PPP1R12B: variants seen among roughly 807,000 people sequenced by gnomAD.
PPP1R12B encodes the protein myosin phosphatase target subunit 2.
In PPP1R12B, 76 loss-of-function variants were observed where a neutral mutation model predicts 126.1. The observed-to-expected ratio is 0.60, with a 90% CI of 0.50 to 0.73. The LOEUF (loss-of-function observed/expected upper bound fraction) is 0.73. PPP1R12B is among the 30% of genes least tolerant of loss of function. The pLI, the probability that PPP1R12B is intolerant of heterozygous loss-of-function variation, is 0.00. For missense variants in PPP1R12B, 1,052 were observed against 1,205.1 expected, an observed-to-expected ratio of 0.87 and a Z score of 1.88; for synonymous variants, 356 against 434.7, an observed-to-expected ratio of 0.82 and a Z score of 2.25.
intron 1 of PPP1R12B, among the ~76,000 whole-genome samples, chr1:202,414,202 A>G (rs1344145194): frequency 2.6e-5 from 4 of 152,358 alleles, no homozygotes; most frequent in African/African-American, 4.8e-5. Flanking sequence ...GATTACAGGC[A>G]TGAGCCACCA....
chr1:202,364,319 G>GT (rs1658745782), intron 1 of PPP1R12B, among the ~76,000 whole-genome samples: 1 of 152,086 alleles, frequency 6.6e-6, no homozygotes, highest in African/African-American at 2.4e-5. Flanking sequence ...AAACTTCAAA[G>GT]TAATAGAAAC....
chr1:202,586,654 A>C lies in PPP1R12B; in HGVS notation c.*6094A>C, dbSNP rs746701023. The C allele has an allele frequency of 6.6e-6, 1 of 152,216 alleles. No individual in the cohort carries two copies. The highest frequency in any genetic ancestry group is 1.5e-5 in the Non-Finnish European group (1 of 68,046). 9.4% of individuals were successfully genotyped at this position (152,216 alleles called of 1,614,324 possible). A position where few individuals can be genotyped will look rare whatever the true frequency, so the allele number is the denominator to read the frequency against. ...TTCTGAGGGCTGAGAAAAAACACAG[A>C]ATCTTGGCCAGCAGCCAGCAGCTGC... is the stretch of plus-strand genomic sequence containing the variant. On this transcript the variant is annotated 3_prime_UTR_variant, in exon 24 of 24. Coordinates refer to ENST00000608999, the MANE Select transcript of PPP1R12B (RefSeq NM_002481.4).
Position 202,498,371 on chromosome 1 carries a change from G to A in PPP1R12B, c.2490+1549G>A, listed in dbSNP as rs530590059. On this transcript the variant is annotated intron_variant, in intron 18 of 23. Transcript: ENST00000608999. Reference sequence around the variant, plus strand: ...AAAAAGAATAAACAGCCCATTATCTGTGGACTGGTACATTTGAATTTATGC... The same window carrying A: ...AAAAAGAATAAACAGCCCATTATCTATGGACTGGTACATTTGAATTTATGC... Among the ~76,000 whole-genome samples, 4 of 152,314 alleles carry A rather than the reference G, an allele frequency of 2.6e-5. No homozygotes were observed. In the South Asian group the frequency reaches 8.3e-4, roughly 32 times the overall value.
chr1:202,516,382 A>G (rs1419572156), intron 18 of PPP1R12B, among the ~76,000 whole-genome samples: 4 of 152,196 alleles, frequency 2.6e-5, no homozygotes, highest in Admixed American at 2.0e-4. Context: ...ATAGCTACCA[A>G]TAGTCCTCTG....
chr1:202,521,374 C>A (rs1405231701), intron 18 of PPP1R12B, among the ~76,000 whole-genome samples: 3 of 151,900 alleles, frequency 2.0e-5, no homozygotes, highest in South Asian at 2.1e-4. Context: ...TCAAGAGAAC[C>A]CAACAAATGA....
In PPP1R12B at chr1:202,431,659, A is replaced by G. The variant is rs775857142; in HGVS notation, c.1141+40A>G. On this transcript the variant is annotated intron_variant, in intron 8 of 23. Transcript: ENST00000608999. ...TTCATAGTGAAGATCCTCTATCTCC[A>G]TAGTGTAAGAAGATTACTCCTTGTC... is the stretch of plus-strand genomic sequence containing the variant. The G allele has an allele frequency of 7.0e-6, 11 of 1,565,370 alleles. No homozygotes were observed. The Middle Eastern group carries it at 5.2e-4, about 74-fold the overall frequency.
In PPP1R12B at chr1:202,448,971, T is replaced by C; in HGVS notation, c.1668-18T>C. 1 of 1,612,248 alleles carries C rather than the reference T, an allele frequency of 6.2e-7. No individual in the cohort carries two copies. The highest frequency in any genetic ancestry group is 8.5e-7 in the Non-Finnish European group (1 of 1,178,422). Reference sequence around the variant, plus strand: ...TGCCTAACCATTTCCTTTCTGCTTGTATCTTTTTAAATTTCAGGACTCCTC... The same window carrying C: ...TGCCTAACCATTTCCTTTCTGCTTGCATCTTTTTAAATTTCAGGACTCCTC... On this transcript the variant is annotated intron_variant, in intron 12 of 23. Coordinates refer to ENST00000608999, the MANE Select transcript of PPP1R12B (RefSeq NM_002481.4).
At chr1:202,367,961 G>GT (rs986534882) in intron 1 of PPP1R12B, among the ~76,000 whole-genome samples, 170 of 147,526 alleles carry the variant, frequency 1.2e-3, no homozygotes, top group Middle Eastern at 3.4e-3. Context: ...CAGGAGATCT[G>GT]TTTTTTTTTT....
At chr1:202,445,372 T>G (rs1672101386) in intron 12 of PPP1R12B, 2 of 708,312 alleles carry the variant, frequency 2.8e-6, no homozygotes, top group Non-Finnish European at 3.9e-6. Flanking sequence ...ATGAAGATGC[T>G]TTTGCTTTGA....
chr1:202,463,782 T>C (rs1674623626), intron 13 of PPP1R12B, among the ~76,000 whole-genome samples: 1 of 152,174 alleles, frequency 6.6e-6, no homozygotes, highest in East Asian at 1.9e-4. Context: ...AATCAGGCAA[T>C]ATAGAAAATC....
At chr1:202,471,772 T>A (rs1393039043) in intron 13 of PPP1R12B, 9 of 968,910 alleles carry the variant, frequency 9.3e-6, no homozygotes, top group Middle Eastern at 3.2e-4. Flanking sequence ...TTAGGTTGGT[T>A]CTTTTTTAAA....
At chr1:202,460,748 G>C (rs1674212361) in intron 13 of PPP1R12B, among the ~76,000 whole-genome samples, 2 of 152,132 alleles carry the variant, frequency 1.3e-5, no homozygotes, top group African/African-American at 4.8e-5. Context: ...AATTCTGGAG[G>C]TCTCTGGATT....
At chr1:202,430,883 T>G (rs1670104825) in intron 7 of PPP1R12B, 73 bp downstream of exon 7, 1 of 1,537,440 alleles carries the variant, frequency 6.5e-7, no homozygotes, top group Admixed American at 2.0e-5. Flanking sequence ...TCAGAATTTA[T>G]AAAGTGAAGA....
In PPP1R12B at chr1:202,427,188, A is replaced by C; in HGVS notation, c.846+4A>C. ...CATGGATATTCGAAATAAACTGGTT[A>C]GTGAGCCTGAACCTCTAAAAGAACA... On this transcript the variant is annotated splice_donor_region_variant and intron_variant, in intron 5 of 23. Coordinates refer to ENST00000608999, the MANE Select transcript of PPP1R12B (RefSeq NM_002481.4). 2.5e-6 allele frequency: 4 copies of C among 1,613,890 alleles called. No individual in the cohort carries two copies. Among genetic ancestry groups the C allele is most frequent in the Non-Finnish European group, 3.4e-6 (4 of 1,179,944 alleles).
chr1:202,408,835 A>G (rs2362273), intron 1 of PPP1R12B, among the ~76,000 whole-genome samples: 1 of 141,414 alleles, frequency 7.1e-6, no homozygotes, highest in Non-Finnish European at 1.5e-5. Flanking sequence ...AATTATTATT[A>G]TTTCTTTCTT....
chr1:202,555,463 TAAAAAAAA>T (rs59737329), intron 18 of PPP1R12B, among the ~76,000 whole-genome samples: 2 of 61,414 alleles, frequency 3.3e-5, no homozygotes, highest in Admixed American at 1.8e-4. Context: ...AAGAAGAAAC[TAAAAAAAA>T]AAAAAAAAAA....
chr1:202,575,368 A>G (rs898659285), intron 23 of PPP1R12B: 7 of 519,216 alleles, frequency 1.3e-5, no homozygotes, highest in Admixed American at 1.0e-4. Context: ...TGGGCTACCA[A>G]TATATTCATT....
At chr1:202,514,604 A>G (rs1681898501) in intron 18 of PPP1R12B, among the ~76,000 whole-genome samples, 1 of 152,102 alleles carries the variant, frequency 6.6e-6, no homozygotes, top group Admixed American at 6.5e-5. Context: ...ATTTTTGTGT[A>G]TGGTGCAAGG....
intron 18 of PPP1R12B, among the ~76,000 whole-genome samples, chr1:202,532,668 T>G (rs1473920874): frequency 6.6e-6 from 1 of 152,070 alleles, no homozygotes; most frequent in African/African-American, 2.4e-5. Context: ...ACATATAATC[T>G]TAGAGTCCTC....
Sources: gnomAD v4.1 joint callset for allele counts (sites outside exome capture counted in the v4.1 genomes callset) on GRCh38, gnomAD v4.1.1 for gene constraint, MANE v1.5 for transcripts, NCBI Gene and HGNC (gene_info 2026-07-23, HGNC 2026-07-21) for gene names.